AFF1: variants seen among roughly 807,000 people sequenced by gnomAD.
AFF1 encodes the protein AF4/FMR2 family member 1.
In AFF1, 48 loss-of-function variants were observed where a neutral mutation model predicts 121.7. The observed-to-expected ratio is 0.39, with a 90% CI of 0.31 to 0.50. AFF1 has a LOEUF of 0.50. Among genes scored for constraint, AFF1 ranks in the 20% least tolerant of loss-of-function variants. AFF1 has a pLI of 0.76. For synonymous variants in AFF1, 613 were observed against 563.0 expected (o/e 1.09, Z -1.26); for missense variants, 1,523 against 1,511.7 (o/e 1.01, Z -0.12).
At chr4:87,114,322 T>G (rs1726848605) in intron 11 of AFF1, 45 bp from the exon 12 acceptor site, 1 of 1,497,652 alleles carries the variant, frequency 6.7e-7, no homozygotes, top group Admixed American at 2.3e-5. Flanking sequence ...GAATAATTTG[T>G]CATCAATGGT....
intron 13 of AFF1, 58 bp from the exon 14 acceptor site, chr4:87,126,041 C>G: frequency 6.5e-7 from 1 of 1,533,342 alleles, no homozygotes; most frequent in Non-Finnish European, 9.0e-7. Context: ...AACTAAACAA[C>G]GAAGCCGCTT....
In AFF1 at chr4:87,114,702, T is replaced by C; in HGVS notation, c.1869T>C (p.Gly623=). The change falls in exon 12 of 21, where the codon GGT becomes GGC. Residue 623 remains glycine, a synonymous_variant. Transcript: ENST00000395146. ...KKPVKASARA[G]SRTSLQGERE... ...CTGTCAAGGCCTCTGCCCGGGCAGG[T>C]TCACGGACCAGCCTGCAGGGGGAAA... 1 of 1,612,368 alleles carries C rather than the reference T, an allele frequency of 6.2e-7. No homozygotes were observed. Among genetic ancestry groups the C allele is most frequent in the Non-Finnish European group, 8.5e-7 (1 of 1,179,738 alleles).
intron 12 of AFF1, among the ~76,000 whole-genome samples, chr4:87,118,801 G>A (rs1172806440): frequency 6.6e-6 from 1 of 152,174 alleles, no homozygotes; most frequent in African/African-American, 2.4e-5. Context: ...TTTGAACAAA[G>A]AATTGGACAA....
At chr4:86,989,619 A>AT (rs1045459688) in intron 2 of AFF1, among the ~76,000 whole-genome samples, 1 of 152,208 alleles carries the variant, frequency 6.6e-6, no homozygotes, top group Non-Finnish European at 1.5e-5. Flanking sequence ...CAGTGTGGTG[A>AT]TTCCTCAAGG....
At chr4:86,991,239 T>G (rs538496764) in intron 2 of AFF1, among the ~76,000 whole-genome samples, 109 of 151,498 alleles carry the variant, frequency 7.2e-4, no homozygotes, top group Middle Eastern at 6.8e-3. Flanking sequence ...GATCAGGAAA[T>G]GGAGACCATC....
chr4:86,961,043 A>C (rs1167373821), intron 2 of AFF1, among the ~76,000 whole-genome samples: 1 of 152,234 alleles, frequency 6.6e-6, no homozygotes, highest in Non-Finnish European at 1.5e-5. Context: ...GAGACAAGCT[A>C]TCCTCCAGAT....
chr4:87,086,002 G>A (rs768957474), intron 5 of AFF1, among the ~76,000 whole-genome samples: 75 of 152,266 alleles, frequency 4.9e-4, no homozygotes, highest in Non-Finnish European at 9.6e-4. Flanking sequence ...GCCCCTCAAA[G>A]TGTTGGGATT....
In AFF1 at chr4:87,136,404, C is replaced by G. The variant is rs1450681755; in HGVS notation, c.*703C>G. The G allele has an allele frequency of 4.3e-6, 1 of 232,420 alleles. No homozygotes were observed. Among genetic ancestry groups the G allele is most frequent in the Non-Finnish European group, 8.5e-6 (1 of 117,592 alleles). 14.4% of individuals were successfully genotyped at this position (232,420 alleles called of 1,614,324 possible). A position where few individuals can be genotyped will look rare whatever the true frequency, so the allele number is the denominator to read the frequency against. On this transcript the variant is annotated 3_prime_UTR_variant, in exon 21 of 21. Transcript: ENST00000395146. ...CCAGCTCTGACTTCTCATTACTGTG[C>G]TGAAAGTCAGCCCACGTCGGAGCGG...
chr4:87,040,048 C>T (rs140903254), intron 2 of AFF1, among the ~76,000 whole-genome samples: 257 of 152,188 alleles, frequency 1.7e-3, no homozygotes, highest in Non-Finnish European at 3.1e-3. Context: ...CGTGCCACTA[C>T]GCCCGGTTAA....
At chr4:87,132,039 C>T (rs1728875866) in intron 18 of AFF1, among the ~76,000 whole-genome samples, 175 bp downstream of exon 18, 1 of 152,140 alleles carries the variant, frequency 6.6e-6, no homozygotes, top group Non-Finnish European at 1.5e-5. Context: ...TATCTGCTGC[C>T]ATTTTTCTGA....
At chr4:87,123,956 T>C (rs1479167663) in intron 12 of AFF1, among the ~76,000 whole-genome samples, 2 of 152,200 alleles carry the variant, frequency 1.3e-5, no homozygotes, top group African/African-American at 4.8e-5. Context: ...TAAATGCACA[T>C]GAGAATTAAT....
intron 2 of AFF1, among the ~76,000 whole-genome samples, chr4:86,965,246 C>T (rs1465901158): frequency 1.3e-5 from 2 of 152,176 alleles, no homozygotes; most frequent in Non-Finnish European, 2.9e-5. Flanking sequence ...TTTACTGCTA[C>T]CTATTTGTCT....
At chr4:86,986,050 T>TAATTTAATTC (rs1237472853) in intron 2 of AFF1, among the ~76,000 whole-genome samples, 1 of 132,642 alleles carries the variant, frequency 7.5e-6, no homozygotes, top group Non-Finnish European at 1.6e-5. Context: ...CAATTTAATT[T>TAATTTAATTC]AATTTAATTT....
At chr4:87,038,025 CAG>C (rs2149595513) in intron 2 of AFF1, among the ~76,000 whole-genome samples, 1 of 152,116 alleles carries the variant, frequency 6.6e-6, no homozygotes, top group East Asian at 1.9e-4. Context: ...CTGTGGCAAA[CAG>C]AAGTGAGTAG....
rs963060555 is a variant in AFF1 at position 87,084,274 on chromosome 4, C to T, written c.1104+110C>T. On this transcript the variant is annotated intron_variant, in intron 5 of 20. Transcript: ENST00000395146. Reference sequence around the variant, plus strand: ...TTGCCATTGGCTGGGTGCGGTGGCTCATGCCTGTAATCCTAGCACTTTGGG... The same window carrying T: ...TTGCCATTGGCTGGGTGCGGTGGCTTATGCCTGTAATCCTAGCACTTTGGG... 26 of 1,183,842 alleles carry T rather than the reference C, an allele frequency of 2.2e-5. No homozygotes were observed. The African/African-American group carries it at 2.3e-4, about 10-fold the overall frequency. The allele number at this position is 1,183,842 out of a possible 1,614,324, so 73.3% of individuals were successfully genotyped here.
Position 87,140,128 on chromosome 4 carries a change from G to A in AFF1, c.*4427G>A, listed in dbSNP as rs1016165016. On this transcript the variant is annotated 3_prime_UTR_variant, in exon 21 of 21. Coordinates refer to ENST00000395146, the MANE Select transcript of AFF1 (RefSeq NM_001166693.3). ...TAGTATATCGGCCTGGAGAGGACAA[G>A]GGAATAAGACCACTCATAGTGAGGC... 8.8e-5 allele frequency: 18 copies of A among 203,698 alleles called. No individual in the cohort carries two copies. Among genetic ancestry groups the A allele is most frequent in the Non-Finnish European group, 1.3e-4 (13 of 99,258 alleles). 12.6% of individuals were successfully genotyped at this position (203,698 alleles called of 1,614,324 possible). A position where few individuals can be genotyped will look rare whatever the true frequency, so the allele number is the denominator to read the frequency against.
chr4:87,024,521 CAG>C (rs747720829), intron 2 of AFF1, among the ~76,000 whole-genome samples: 10 of 152,114 alleles, frequency 6.6e-5, no homozygotes, highest in Non-Finnish European at 1.2e-4. Flanking sequence ...ATATTTGGGA[CAG>C]GGGATGTATG....
At chr4:87,073,415 C>T (rs576553562) in intron 4 of AFF1, among the ~76,000 whole-genome samples, 1 of 151,900 alleles carries the variant, frequency 6.6e-6, no homozygotes, top group African/African-American at 2.4e-5. Flanking sequence ...TCAGTAATCC[C>T]CAGGGTGTTT....
chr4:87,131,023 G>A (rs1035554105), intron 16 of AFF1, 60 bp from the exon 17 acceptor site: 1 of 1,590,008 alleles, frequency 6.3e-7, no homozygotes, highest in Admixed American at 1.7e-5. Context: ...AAGAATGTGG[G>A]TGAGAAACTA....
Sources: gnomAD v4.1 joint callset for allele counts (sites outside exome capture counted in the v4.1 genomes callset) on GRCh38, gnomAD v4.1.1 for gene constraint, MANE v1.5 for transcripts, NCBI Gene and HGNC (gene_info 2026-07-23, HGNC 2026-07-21) for gene names.